Variants in RIT2 observed in about 807,000 individuals in gnomAD.
The protein encoded by RIT2 is GTP-binding protein Rit2.
A neutral mutation model predicts 23.7 loss-of-function variants in RIT2; 24 were observed. That is an observed-to-expected ratio of 1.01 (90% CI 0.73 to 1.43). The LOEUF (loss-of-function observed/expected upper bound fraction) is 1.43, where lower values mean the gene tolerates loss of function less well. RIT2 is among the 40% of genes most tolerant of loss of function. The pLI, the probability that RIT2 is intolerant of heterozygous loss-of-function variation, is 0.00. For missense variants in RIT2, 236 were observed against 266.9 expected, an observed-to-expected ratio of 0.88 and a Z score of 0.81; for synonymous variants, 107 against 91.1, an observed-to-expected ratio of 1.17 and a Z score of -0.99.
intron 4 of RIT2, among the ~76,000 whole-genome samples, chr18:42,885,271 G>A (rs964359890): frequency 1.3e-5 from 2 of 152,166 alleles, no homozygotes; most frequent in Non-Finnish European, 2.9e-5. Context: ...ATTACTAATA[G>A]AAATATTCTC....
intron 4 of RIT2, among the ~76,000 whole-genome samples, chr18:42,768,726 T>C (rs1398419361): frequency 6.6e-6 from 1 of 152,134 alleles, no homozygotes; most frequent in Non-Finnish European, 1.5e-5. Context: ...TTGCAGGATA[T>C]ACGACCATGC....
chr18:43,109,174 A>G (rs1412520723), intron 1 of RIT2, among the ~76,000 whole-genome samples: 1 of 152,238 alleles, frequency 6.6e-6, no homozygotes, highest in Non-Finnish European at 1.5e-5. Context: ...ATCCTGCTAC[A>G]TGAAACTGAA....
intron 4 of RIT2, among the ~76,000 whole-genome samples, chr18:42,798,234 G>A (rs894173120): frequency 6.6e-6 from 1 of 152,086 alleles, no homozygotes; most frequent in Non-Finnish European, 1.5e-5. Flanking sequence ...TCTGAATTTA[G>A]AAAGCCCTGA....
At chr18:42,869,508 A>C (rs1440352878) in intron 4 of RIT2, among the ~76,000 whole-genome samples, 2 of 152,218 alleles carry the variant, frequency 1.3e-5, no homozygotes, top group Non-Finnish European at 2.9e-5. Flanking sequence ...TACTTCACTA[A>C]GTATTGGAAA....
At chr18:42,767,449 T>C (rs1237176986) in intron 4 of RIT2, among the ~76,000 whole-genome samples, 1 of 152,242 alleles carries the variant, frequency 6.6e-6, no homozygotes, top group East Asian at 1.9e-4. Flanking sequence ...TTGGAATGGC[T>C]GTATTTACCA....
At chr18:43,027,136 A>C (rs1911751769) in intron 2 of RIT2, among the ~76,000 whole-genome samples, 1 of 152,140 alleles carries the variant, frequency 6.6e-6, no homozygotes, top group Non-Finnish European at 1.5e-5. Context: ...TAGCCTAAAG[A>C]GTCAAGGTAT....
chr18:43,107,032 A>G (rs886778312), intron 1 of RIT2, among the ~76,000 whole-genome samples: 1 of 152,166 alleles, frequency 6.6e-6, no homozygotes, highest in Non-Finnish European at 1.5e-5. Flanking sequence ...AGTACAGAGG[A>G]CCACCGTCTG....
chr18:42,771,821 G>A lies in RIT2; in HGVS notation c.427-28101C>T, dbSNP rs188259844. Among the ~76,000 whole-genome samples the A allele has an allele frequency of 1.1e-4, 16 of 152,208 alleles. No homozygotes were observed. The East Asian group carries it at 2.9e-3, about 28-fold the overall frequency. Reference sequence around the variant, plus strand: ...TCTTTCCTCAAATATGAGCAATATAGTAGTTCAAAGAGTTACAGTGACCTT... The same window carrying A: ...TCTTTCCTCAAATATGAGCAATATAATAGTTCAAAGAGTTACAGTGACCTT... On this transcript the variant is annotated intron_variant, in intron 4 of 4. Coordinates refer to ENST00000326695, the MANE Select transcript of RIT2 (RefSeq NM_002930.4).
intron 4 of RIT2, among the ~76,000 whole-genome samples, chr18:42,771,509 C>T (rs554690736): frequency 6.6e-6 from 1 of 152,232 alleles, no homozygotes; most frequent in African/African-American, 2.4e-5. Flanking sequence ...TTTTACCTCT[C>T]TGAGCATCAG....
At chr18:42,805,153 A>G (rs1905648856) in intron 4 of RIT2, among the ~76,000 whole-genome samples, 2 of 152,338 alleles carry the variant, frequency 1.3e-5, no homozygotes, top group South Asian at 4.1e-4. Flanking sequence ...TTTTTATCAC[A>G]TTTATTAATT....
chr18:42,902,082 G>T (rs938549236), intron 4 of RIT2, among the ~76,000 whole-genome samples: 2 of 151,304 alleles, frequency 1.3e-5, no homozygotes, highest in African/African-American at 2.4e-5. Context: ...TTCCCATAAA[G>T]GTCTGTTACT....
intron 4 of RIT2, among the ~76,000 whole-genome samples, chr18:42,818,851 AT>A (rs1413101078): frequency 6.6e-6 from 1 of 152,058 alleles, no homozygotes; most frequent in East Asian, 1.9e-4. Flanking sequence ...GTTAGAATTG[AT>A]CTAGGTAGAA....
chr18:43,005,668 T>TA (rs958394858), intron 2 of RIT2, among the ~76,000 whole-genome samples: 6 of 151,644 alleles, frequency 4.0e-5, no homozygotes, highest in African/African-American at 9.7e-5. Context: ...CCTCATTTTT[T>TA]AAAAAAAATG....
chr18:42,769,132 T>C (rs1308504169), intron 4 of RIT2, among the ~76,000 whole-genome samples: 1 of 152,118 alleles, frequency 6.6e-6, no homozygotes, highest in Non-Finnish European at 1.5e-5. Context: ...GTGAAGTGTT[T>C]CTACCTAAGA....
At chr18:42,824,688 A>G (rs546234656) in intron 4 of RIT2, among the ~76,000 whole-genome samples, 28 of 152,090 alleles carry the variant, frequency 1.8e-4, no homozygotes, top group African/African-American at 6.7e-4. Flanking sequence ...AAGGATATTC[A>G]TATCAAGTTA....
At chr18:43,069,550 C>G (rs184369914) in intron 1 of RIT2, among the ~76,000 whole-genome samples, 31 of 152,270 alleles carry the variant, frequency 2.0e-4, no homozygotes, top group Non-Finnish European at 3.4e-4. Context: ...ATGTTACCAA[C>G]CTCCTTGTTT....
At chr18:42,964,733 T>C (rs931116504) in intron 3 of RIT2, among the ~76,000 whole-genome samples, 1 of 152,212 alleles carries the variant, frequency 6.6e-6, no homozygotes, top group African/African-American at 2.4e-5. Flanking sequence ...AGGGTGTGCA[T>C]CCTCAACTTT....
chr18:42,860,123 C>A (rs1907289056), intron 4 of RIT2, among the ~76,000 whole-genome samples: 1 of 152,110 alleles, frequency 6.6e-6, no homozygotes, highest in South Asian at 2.1e-4. Flanking sequence ...CAACTCCAAC[C>A]CAGGACAAAT....
intron 3 of RIT2, among the ~76,000 whole-genome samples, chr18:42,965,826 C>A (rs1024024698): frequency 7.3e-6 from 1 of 137,078 alleles, no homozygotes; most frequent in African/African-American, 2.7e-5. Flanking sequence ...TTAATTATAT[C>A]ACTGATGTCA....
Sources: allele counts gnomAD v4.1 joint callset (sites outside exome capture counted in the v4.1 genomes callset), GRCh38; gene constraint gnomAD v4.1.1; transcripts MANE v1.5; gene names NCBI Gene and HGNC (gene_info 2026-07-23, HGNC 2026-07-21).